Variants in TIMM9 observed in about 807,000 individuals in gnomAD.
TIMM9 encodes the protein mitochondrial import inner membrane translocase subunit Tim9.
A neutral mutation model predicts 13.4 loss-of-function variants in TIMM9; 10 were observed. The ratio of observed to expected loss-of-function variants is 0.75; its 90% CI spans 0.46 to 1.26. The LOEUF (loss-of-function observed/expected upper bound fraction) is 1.26. TIMM9 is among the 50% of genes most tolerant of loss of function. TIMM9 has a pLI of 0.00. For missense variants in TIMM9, 87 were observed against 100.8 expected (o/e 0.86, Z 0.58); for synonymous variants, 32 against 32.1 (o/e 1.00, Z 0.01).
At chr14:58,423,984 T>A (rs1254748194) in intron 3 of TIMM9, 24 bp downstream of exon 3, 1 of 152,160 alleles carries the variant, frequency 6.6e-6, no homozygotes, top group Non-Finnish European at 1.5e-5. Context: ...TAAAGGGAGA[T>A]CTTATCAGTC....
At chr14:58,416,465 G>A (rs2036412529) in intron 3 of TIMM9, among the ~76,000 whole-genome samples, 1 of 152,080 alleles carries the variant, frequency 6.6e-6, no homozygotes, top group Admixed American at 6.6e-5. Flanking sequence ...AGAAATAAAG[G>A]AGAAATCAAG....
Position 58,409,107 on chromosome 14 carries a change from C to G in TIMM9, c.197G>C (p.Arg66Thr). Residue 66 changes from arginine (R) to threonine (T), a missense_variant, in exon 6 of 6, where the codon AGA becomes ACA. By Grantham distance (71) the Arg-to-Thr change is moderately conservative. Transcript: ENST00000395159. Reference protein sequence around the residue: ...YLKMTQRISMRFQEYHIQQNE... With the variant: ...YLKMTQRISMTFQEYHIQQNE... ...CTGCTGAATATGATATTCCTGAAAT[C>G]TCATGGATATTCTTTGTGTCATTTT... The G allele has an allele frequency of 6.2e-7, 1 of 1,613,880 alleles. No homozygotes were observed. Among genetic ancestry groups the G allele is most frequent in the Non-Finnish European group, 8.5e-7 (1 of 1,179,900 alleles).
At chr14:58,418,760 G>A (rs773704356) in intron 3 of TIMM9, among the ~76,000 whole-genome samples, 13 of 152,194 alleles carry the variant, frequency 8.5e-5, no homozygotes, top group Non-Finnish European at 1.6e-4. Flanking sequence ...GTACGGACTT[G>A]TATGTGGAAA....
intron 3 of TIMM9, among the ~76,000 whole-genome samples, chr14:58,418,179 T>G (rs1054489634): frequency 2.6e-5 from 4 of 152,182 alleles, no homozygotes; most frequent in African/African-American, 9.6e-5. Context: ...ATTTGAAAAT[T>G]AATCCGTTTA....
At position 58,427,379 on chromosome 14, in the gene TIMM9, A is replaced by G. The variant is rs1430090509; in HGVS notation, c.-304+13T>C. ...ACCCGAATCTGTCGAAACTTCTTGG[A>G]AGCCTAATTTACCTAATCCCACGTC... On this transcript the variant is annotated intron_variant, in intron 1 of 5. Coordinates refer to ENST00000395159, the MANE Select transcript of TIMM9 (RefSeq NM_012460.4). 1 of 462,154 alleles carries G rather than the reference A, an allele frequency of 2.2e-6. No homozygotes were observed. The highest frequency in any genetic ancestry group is 3.9e-6 in the Non-Finnish European group (1 of 255,904). The allele number at this position is 462,154 out of a possible 1,614,324, so 28.6% of individuals were successfully genotyped here. A position where few individuals can be genotyped will look rare whatever the true frequency, so the allele number is the denominator to read the frequency against.
chr14:58,427,521 T>A lies in TIMM9; in HGVS notation c.-433A>T. Reference sequence around the variant, plus strand: ...ACTGTAGAGCGGTCTTGTGCGGCAATGTGCTACCTTAAAATAAATAAATAA... The same window carrying A: ...ACTGTAGAGCGGTCTTGTGCGGCAAAGTGCTACCTTAAAATAAATAAATAA... On this transcript the variant is annotated 5_prime_UTR_variant, in exon 1 of 6. Transcript: ENST00000395159. 6.9e-7 allele frequency: 1 copy of A among 1,455,636 alleles called. No homozygotes were observed. The highest frequency in any genetic ancestry group is 1.4e-5 in the African/African-American group (1 of 71,354). The allele number at this position is 1,455,636 out of a possible 1,614,324, so 90.2% of individuals were successfully genotyped here.
intron 3 of TIMM9, among the ~76,000 whole-genome samples, chr14:58,418,129 C>T (rs564861696): frequency 6.6e-6 from 1 of 152,040 alleles, no homozygotes; most frequent in East Asian, 1.9e-4. Flanking sequence ...TACAACTTGA[C>T]CAAGAAGGGT....
At chr14:58,410,298 C>A (rs934023974) in intron 5 of TIMM9, among the ~76,000 whole-genome samples, 5 of 151,980 alleles carry the variant, frequency 3.3e-5, no homozygotes, top group African/African-American at 1.2e-4. Context: ...TGGTTTCGAA[C>A]TCCTGGGCTC....
intron 3 of TIMM9, chr14:58,423,727 G>A (rs1038892763): frequency 6.6e-6 from 1 of 152,114 alleles, no homozygotes; most frequent in African/African-American, 2.4e-5. Context: ...ACCTGATGGT[G>A]AGAACAGGTA....
At chr14:58,416,778 C>T (rs538197453) in intron 3 of TIMM9, among the ~76,000 whole-genome samples, 5 of 152,228 alleles carry the variant, frequency 3.3e-5, no homozygotes, top group Non-Finnish European at 5.9e-5. Flanking sequence ...AAATCAGTGC[C>T]ATGAGAAAAA....
rs769048925 is a variant in TIMM9, at chr14:58,408,516, A to G, written c.*518T>C. 3.1e-6 allele frequency: 5 copies of G among 1,612,952 alleles called. No individual in the cohort carries two copies. Among genetic ancestry groups the G allele is most frequent in the Non-Finnish European group, 3.4e-6 (4 of 1,179,226 alleles). Reference sequence around the variant, plus strand: ...GAAATGATTAGCAAGTAACTATTTTATGTATTCACCAGCAATTTGAGGCAG... The same window carrying G: ...GAAATGATTAGCAAGTAACTATTTTGTGTATTCACCAGCAATTTGAGGCAG... On this transcript the variant is annotated 3_prime_UTR_variant, in exon 6 of 6. Transcript: ENST00000395159.
chr14:58,421,895 G>A (rs923073033), intron 3 of TIMM9, among the ~76,000 whole-genome samples: 1 of 152,004 alleles, frequency 6.6e-6, no homozygotes, highest in Non-Finnish European at 1.5e-5. Flanking sequence ...TTGAATTGTC[G>A]AATAAGGACA....
At position 58,427,460 on chromosome 14, in the gene TIMM9, T is replaced by C; in HGVS notation, c.-372A>G. ...AACAGTCCCTGGTAAACACAAGTAG[T>C]ATTACAAGTCGGGAGCTCTTCAAGT... On this transcript the variant is annotated 5_prime_UTR_variant, in exon 1 of 6. In the 5' UTR this introduces an upstream ATG that the reference lacks. Transcript: ENST00000395159. 1.3e-6 allele frequency: 1 copy of C among 780,148 alleles called. No individual in the cohort carries two copies. The highest frequency in any genetic ancestry group is 2.0e-6 in the Non-Finnish European group (1 of 489,716). 48.3% of individuals were successfully genotyped at this position (780,148 alleles called of 1,614,324 possible). A position where few individuals can be genotyped will look rare whatever the true frequency, so the allele number is the denominator to read the frequency against.
In TIMM9 at chr14:58,410,882, A is replaced by T. The variant is rs2036193596; in HGVS notation, c.96T>A (p.Cys32Ter). The T allele has an allele frequency of 6.2e-7, 1 of 1,613,244 alleles. No individual in the cohort carries two copies. The highest frequency in any genetic ancestry group is 1.3e-5 in the African/African-American group (1 of 74,908). The change falls in exon 5 of 6, where the codon TGT becomes TGA. Residue 32 changes from cysteine (C) to a stop codon, truncating the protein, a stop_gained. Coordinates refer to ENST00000395159, the MANE Select transcript of TIMM9 (RefSeq NM_012460.4). LOFTEE classifies it high-confidence loss of function. The part of the protein sequence containing the change: ...NKLTETCFLD[C>*]VKDFTTREVK... ...CTTCTCTTGTTGTGAAGTCTTTAAC[A>T]CAGTCCAAAAAGCAGGTCTCTGTAA...
In TIMM9 at chr14:58,411,852, A is replaced by G. The variant is rs2036230595; in HGVS notation, c.39+55T>C. 7.2e-6 allele frequency: 11 copies of G among 1,522,234 alleles called. 1 individual carries two copies. The South Asian group carries it at 1.0e-4, about 14-fold the overall frequency. 94.3% of individuals were successfully genotyped at this position (1,522,234 alleles called of 1,614,324 possible). A position where few individuals can be genotyped will look rare whatever the true frequency, so the allele number is the denominator to read the frequency against. ...GCACCCAGCCTGACATGGTGGCATT[A>G]GTAGCACCTTACATTTTTTTGCAAA... On this transcript the variant is annotated intron_variant, in intron 4 of 5. Transcript: ENST00000395159.
At chr14:58,411,579 A>T (rs2036217699) in intron 4 of TIMM9, among the ~76,000 whole-genome samples, 1 of 151,742 alleles carries the variant, frequency 6.6e-6, no homozygotes, top group African/African-American at 2.4e-5. Flanking sequence ...TTGCTCTGTC[A>T]CCCAGGCTGG....
At chr14:58,416,057 A>G (rs1289359739) in intron 3 of TIMM9, among the ~76,000 whole-genome samples, 1 of 150,836 alleles carries the variant, frequency 6.6e-6, no homozygotes, top group East Asian at 1.9e-4. Flanking sequence ...CCCTACTGAA[A>G]AAAAAAAAAA....
chr14:58,414,318 T>C (rs931972298), intron 3 of TIMM9, among the ~76,000 whole-genome samples: 1 of 152,150 alleles, frequency 6.6e-6, no homozygotes, highest in African/African-American at 2.4e-5. Context: ...TAGGACAAAG[T>C]GTATGCCACC....
intron 5 of TIMM9, among the ~76,000 whole-genome samples, chr14:58,409,500 C>T (rs1158060962): frequency 6.6e-6 from 1 of 152,142 alleles, no homozygotes; most frequent in Non-Finnish European, 1.5e-5. Flanking sequence ...AAAATGTAGA[C>T]CCAGTAGTAA....
Sources: allele counts gnomAD v4.1 joint callset (sites outside exome capture counted in the v4.1 genomes callset), GRCh38; gene constraint gnomAD v4.1.1; transcripts MANE v1.5; gene names NCBI Gene and HGNC (gene_info 2026-07-23, HGNC 2026-07-21).